Variants in OTULIN observed in about 807,000 individuals in gnomAD.
OTULIN encodes the protein ubiquitin thioesterase otulin.
Under a neutral mutation model 39.6 loss-of-function variants are expected in OTULIN, and 15 were observed. The ratio of observed to expected loss-of-function variants is 0.38; its 90% CI spans 0.25 to 0.58. The LOEUF (loss-of-function observed/expected upper bound fraction) is 0.58. Ranked by LOEUF, OTULIN falls within the 20% of genes least tolerant of loss-of-function variation. The pLI is 0.66. For synonymous variants in OTULIN, 156 were observed against 170.3 expected, an observed-to-expected ratio of 0.92 and a Z score of 0.65; for missense variants, 319 against 445.9, an observed-to-expected ratio of 0.72 and a Z score of 2.56.
At chr5:14,711,158 T>A in the OTULIN span, 1 of 1,512,640 alleles carries the variant, frequency 6.6e-7, no homozygotes, top group South Asian at 1.1e-5. Flanking sequence ...AGTGTCATCC[T>A]GACTGACTGT....
Position 14,695,938 on chromosome 5 carries a change from G to T in OTULIN, c.*2890G>T, listed in dbSNP as rs572317615. ...CTTTTGTTACTCTATTATATATTCA[G>T]TTAGTGTCTGATAAGATTTTCTTTG... On this transcript the variant is annotated 3_prime_UTR_variant, in exon 7 of 7. Transcript: ENST00000284274. The T allele has an allele frequency of 2.0e-5, 3 of 150,322 alleles. No homozygotes were observed. Among genetic ancestry groups the T allele is most frequent in the African/African-American group, 7.3e-5 (3 of 41,038 alleles). 9.3% of individuals were successfully genotyped at this position (150,322 alleles called of 1,614,324 possible).
chr5:14,670,656 G>A lies in OTULIN; in HGVS notation c.153-2986G>A, dbSNP rs180905667. 4.5e-3 allele frequency among the ~76,000 whole-genome samples: 689 copies of A among 152,268 alleles called. 4 individuals are homozygous for A. The highest frequency in any genetic ancestry group is 0.016 in the African/African-American group (653 of 41,538). The stretch of plus-strand genomic sequence containing the variant: ...GTCTCACTCTATTGCCTGGGCAGGA[G>A]TGCAGTGGTGTGATCATAGCTCACT... On this transcript the variant is annotated intron_variant, in intron 1 of 6. Coordinates refer to ENST00000284274, the MANE Select transcript of OTULIN (RefSeq NM_138348.6).
At chr5:14,712,768 T>A in the OTULIN span, 1 of 1,105,122 alleles carries the variant, frequency 9.0e-7, no homozygotes. Flanking sequence ...TCACCAAGGA[T>A]CCCCCACTGA....
intron 2 of OTULIN, chr5:14,674,284 T>G (rs1736048344): frequency 6.5e-6 from 1 of 152,810 alleles, no homozygotes; most frequent in African/African-American, 2.4e-5. Context: ...CCGTGGAGAC[T>G]TGGCTGGCAA....
chr5:14,709,864 A>G, the OTULIN span: 9 of 152,690 alleles, frequency 5.9e-5, no homozygotes, highest in South Asian at 2.1e-4. Flanking sequence ...GAAATGTATT[A>G]TAGCCTAAAA....
At chr5:14,702,303 C>T (rs1251811239), downstream of OTULIN, among the ~76,000 whole-genome samples, 1 of 151,972 alleles carries the variant, frequency 6.6e-6, no homozygotes. Flanking sequence ...CCTTCTCGGC[C>T]CCTGGGGAGA....
At chr5:14,667,955 G>C (rs951566440) in intron 1 of OTULIN, among the ~76,000 whole-genome samples, 1 of 152,198 alleles carries the variant, frequency 6.6e-6, no homozygotes, top group African/African-American at 2.4e-5. Flanking sequence ...CCTGGGACAT[G>C]GTTGCTGGCT....
chr5:14,672,278 G>A (rs1161053604), intron 1 of OTULIN, among the ~76,000 whole-genome samples: 1 of 152,112 alleles, frequency 6.6e-6, no homozygotes, highest in Non-Finnish European at 1.5e-5. Flanking sequence ...TGGTGGGTGA[G>A]GTCCTAATTT....
intron 4 of OTULIN, 71 bp from the exon 5 acceptor site, chr5:14,687,450 C>T (rs1736414327): frequency 4.6e-6 from 7 of 1,529,386 alleles, no homozygotes; most frequent in South Asian, 3.8e-5. Context: ...TGGTTTCTTA[C>T]AGCTTGGATT....
the OTULIN span, chr5:14,711,118 T>C: frequency 8.1e-7 from 1 of 1,238,844 alleles, no homozygotes; most frequent in South Asian, 1.2e-5. Flanking sequence ...GGGAACAAAA[T>C]ACGATGGGAG....
intron 5 of OTULIN, among the ~76,000 whole-genome samples, chr5:14,688,209 C>G (rs1736433481): frequency 6.6e-6 from 1 of 152,260 alleles, no homozygotes; most frequent in South Asian, 2.1e-4. Flanking sequence ...TTTCCACTGT[C>G]TCCTCTGGGT....
chr5:14,684,629 G>A (rs1313550017), intron 4 of OTULIN, among the ~76,000 whole-genome samples: 1 of 152,164 alleles, frequency 6.6e-6, no homozygotes, highest in Non-Finnish European at 1.5e-5. Flanking sequence ...CTTGCAGTGT[G>A]ACTGAAATAA....
At chr5:14,705,453 A>G in the OTULIN span, 5 of 152,196 alleles carry the variant, frequency 3.3e-5, no homozygotes, top group Non-Finnish European at 7.3e-5. Flanking sequence ...CTCCCATTGG[A>G]CAGATGAGCA....
the OTULIN span, among the ~76,000 whole-genome samples, chr5:14,714,539 C>T: frequency 9.6e-4 from 146 of 152,264 alleles, no homozygotes; most frequent in African/African-American, 3.4e-3. Context: ...AATTCCTTTC[C>T]AGGATATGCT....
chr5:14,687,078 T>C (rs1736404997), intron 4 of OTULIN, among the ~76,000 whole-genome samples: 1 of 152,242 alleles, frequency 6.6e-6, no homozygotes, highest in Non-Finnish European at 1.5e-5. Flanking sequence ...GGTTTTATTT[T>C]TCTTATTGGG....
rs142261147 is a variant in OTULIN, at chr5:14,682,169, TGTGTCTGCATGTCCTGACAC to T, written c.468+564_468+583del. 2.0e-5 allele frequency among the ~76,000 whole-genome samples: 3 copies of T among 152,354 alleles called. No homozygotes were observed. In the East Asian group the frequency reaches 5.8e-4, roughly 29 times the overall value. ...ATGGCAGACATGCACTGGAAAGTCA[TGTGTCTGCATGTCCTGACAC>T]GGATAAAGGCATATAGTCAGGTGGG... On this transcript the variant is annotated intron_variant, in intron 4 of 6. Coordinates refer to ENST00000284274, the MANE Select transcript of OTULIN (RefSeq NM_138348.6).
At chr5:14,716,170 C>T in the OTULIN span, among the ~76,000 whole-genome samples, 3 of 152,178 alleles carry the variant, frequency 2.0e-5, no homozygotes, top group Non-Finnish European at 4.4e-5. Flanking sequence ...TTCAGGTCTA[C>T]TTCCTTTTTA....
downstream of OTULIN, among the ~76,000 whole-genome samples, chr5:14,699,910 C>T (rs1028241275): frequency 3.3e-5 from 5 of 152,166 alleles, no homozygotes; most frequent in African/African-American, 1.2e-4. Flanking sequence ...TCCCTAGTTG[C>T]CTGTGTGCTT....
downstream of OTULIN, among the ~76,000 whole-genome samples, chr5:14,703,358 A>C (rs1296948205): frequency 9.0e-6 from 1 of 111,566 alleles, no homozygotes; most frequent in Non-Finnish European, 1.8e-5. Context: ...AAAAAAAAAA[A>C]AAAAACTTAG....
Sources: gnomAD v4.1 joint callset for allele counts (sites outside exome capture counted in the v4.1 genomes callset) on GRCh38, gnomAD v4.1.1 for gene constraint, MANE v1.5 for transcripts, NCBI Gene and HGNC (gene_info 2026-07-23, HGNC 2026-07-21) for gene names.